SACS: variants seen among roughly 807,000 people sequenced by gnomAD.
SACS encodes sacsin molecular chaperone, also known as sacsin.
SACS carries 197 observed loss-of-function variants against 348.0 expected under a neutral mutation model. The ratio of observed to expected loss-of-function variants is 0.57; its 90% CI spans 0.50 to 0.64. SACS has a LOEUF of 0.64. Ranked by LOEUF, SACS falls within the 30% of genes least tolerant of loss-of-function variation. The probability of loss-of-function intolerance (pLI) is 0.00; values close to 1 mark genes in which losing one functional copy is unlikely to be tolerated. For missense variants in SACS, 4,999 were observed against 5,360.8 expected, an observed-to-expected ratio of 0.93 and a Z score of 2.11; for synonymous variants, 1,985 against 1,910.6, an observed-to-expected ratio of 1.04 and a Z score of -1.02.
intron 6 of SACS, among the ~76,000 whole-genome samples, chr13:23,361,769 C>A (rs1255605879): frequency 6.6e-6 from 1 of 150,974 alleles, no homozygotes; most frequent in Non-Finnish European, 1.5e-5. Flanking sequence ...AAGAACAAAA[C>A]TCCGTTTCGA....
chr13:23,425,302 T>C (rs17078731), intron 1 of SACS, among the ~76,000 whole-genome samples: 11,755 of 151,682 alleles, frequency 0.077, 747 homozygotes, highest in African/African-American at 0.15. Flanking sequence ...GGGACCTGAA[T>C]GTACCTGGGA....
Position 23,355,664 on chromosome 13 carries a change from A to G in SACS, c.948T>C (p.Val316=). 1.9e-6 allele frequency: 3 copies of G among 1,614,188 alleles called. No individual in the cohort carries two copies. Among genetic ancestry groups the G allele is most frequent in the African/African-American group, 1.3e-5 (1 of 75,032 alleles). The change falls in exon 8 of 10, where the codon GTT becomes GTC. Residue 316 remains valine (V), a synonymous_variant. Transcript: ENST00000382292. The part of the protein sequence containing the change: ...VLLFLKSVQD[V]SLYVREADGT... ...CGTCAGCCTCTCGGACATATAAGGA[A>G]ACATCCTGCACACTTTTCAGAAAGA...
In SACS at chr13:23,332,375, G is replaced by A. The variant is rs979855618; in HGVS notation, c.11501C>T (p.Thr3834Ile). 6.2e-7 allele frequency: 1 copy of A among 1,613,988 alleles called. No homozygotes were observed. The highest frequency in any genetic ancestry group is 8.5e-7 in the Non-Finnish European group (1 of 1,179,898). ...TAAGTGTTTGAACAACTGGTGAAAT[G>A]TGCCAAGTTCTAAAGGTAGCTTGTA... is the stretch of plus-strand genomic sequence containing the variant. The part of the protein sequence containing the change: ...YLYKLPLELG[T>I]FHQLFKHLGT... The change falls in exon 10 of 10, where the codon ACA becomes ATA. Residue 3834 changes from threonine to isoleucine, a missense_variant. Physicochemically the swap from Thr to Ile is moderately conservative, Grantham distance 89. Around this residue, in one of 6 missense-constraint regions of SACS, gnomAD observed 831 missense variants for 941.8 expected, o/e 0.88. Coordinates refer to ENST00000382292, the MANE Select transcript of SACS (RefSeq NM_014363.6).
intron 3 of SACS, among the ~76,000 whole-genome samples, chr13:23,372,912 C>T (rs538102127): frequency 2.6e-5 from 4 of 152,278 alleles, no homozygotes; most frequent in Admixed American, 1.3e-4. Context: ...TTCACCTTTA[C>T]AGCTACAGTC....
At position 23,333,737 on chromosome 13, in the gene SACS, A is replaced by T; in HGVS notation, c.10139T>A (p.Val3380Glu). The change falls in exon 10 of 10, where the codon GTA (valine) becomes GAA (glutamate). Residue 3380 changes from valine to glutamate, a missense_variant. By Grantham distance (121) the Val-to-Glu change is moderately radical. This residue lies in a region of SACS where 734 missense variants were observed against 694.0 expected (regional missense o/e 1.06). Transcript: ENST00000382292. ...QTSTFRAEKL[V>E]ENDFEALLMY... ...CAAAAGTGCCTCAAAATCATTTTCT[A>T]CTAATTTTTCTGCTCTAAATGTTGA... The T allele has an allele frequency of 6.2e-7, 1 of 1,613,790 alleles. No individual in the cohort carries two copies. Among genetic ancestry groups the T allele is most frequent in the South Asian group, 1.1e-5 (1 of 91,068 alleles).
At position 23,355,410 on chromosome 13, in the gene SACS, C is replaced by T. The variant is rs749599838; in HGVS notation, c.1202G>A (p.Arg401Gln). 3.2e-5 allele frequency: 51 copies of T among 1,614,000 alleles called. No individual in the cohort carries two copies. In the Admixed American group the frequency reaches 7.2e-4, roughly 23 times the overall value. ...AGAGTCAAGCTTACTACTGATCCCTCGCCCACCCACACTGTTACACACCAA... is the reference window on the plus strand; with the variant it reads ...AGAGTCAAGCTTACTACTGATCCCTTGCCCACCCACACTGTTACACACCAA... ...SWLVCNSVGG[R>Q]GISSKLDSLA... The change falls in exon 8 of 10, where the codon CGA becomes CAA. Residue 401 changes from arginine (R) to glutamine (Q), a missense_variant. Transcript: ENST00000382292.
At position 23,338,326 on chromosome 13, in the gene SACS, T is replaced by A. The variant is rs1008940731; in HGVS notation, c.5550A>T (p.Gly1850=). The A allele has an allele frequency of 2.5e-6, 4 of 1,614,042 alleles. No homozygotes were observed. The Admixed American group carries it at 5.0e-5, about 20-fold the overall frequency. ...RLGLVPCGAV[G]VQLSEIQDQK... ...GGTCCTGGATTTCTGACAGCTGAAC[T>A]CCTACTGCCCCACATGGAACCAGTC... The change falls in exon 10 of 10, where the codon GGA becomes GGT. Residue 1850 remains glycine (G), a synonymous_variant. Transcript: ENST00000382292.
At position 23,329,992 on chromosome 13, in the gene SACS, T is replaced by A. The variant is rs1192191097; in HGVS notation, c.*144A>T. On this transcript the variant is annotated 3_prime_UTR_variant, in exon 10 of 10. Coordinates refer to ENST00000382292, the MANE Select transcript of SACS (RefSeq NM_014363.6). ...TAAGGTTTTCCGTTGGTATTCATGT[T>A]CATAACAACTCCAGAATTCTCCAAG... The A allele has an allele frequency of 2.6e-6, 2 of 765,610 alleles. No individual in the cohort carries two copies. Among genetic ancestry groups the A allele is most frequent in the Admixed American group, 4.7e-5 (2 of 42,250 alleles). 47.4% of individuals were successfully genotyped at this position (765,610 alleles called of 1,614,324 possible).
chr13:23,382,484 T>A (rs902708238), intron 2 of SACS, among the ~76,000 whole-genome samples: 1 of 152,202 alleles, frequency 6.6e-6, no homozygotes, highest in African/African-American at 2.4e-5. Flanking sequence ...TAGAGATGCA[T>A]TGGATATATT....
Position 23,334,851 on chromosome 13 carries a change from C to G in SACS, c.9025G>C (p.Ala3009Pro). ...PNIDGSDLHS[A>P]VIITWINMST... is the part of the protein sequence containing the mutation. Reference sequence around the variant, plus strand: ...ATATTGATCCAAGTAATTATAACTGCAGAGTGCAAGTCAGAGCCATCAATA... The same window carrying G: ...ATATTGATCCAAGTAATTATAACTGGAGAGTGCAAGTCAGAGCCATCAATA... Residue 3009 changes from alanine (A) to proline (P), a missense_variant, in exon 10 of 10, where the codon GCA becomes CCA. By Grantham distance (27) the Ala-to-Pro change is conservative. Coordinates refer to ENST00000382292, the MANE Select transcript of SACS (RefSeq NM_014363.6). 6.2e-7 allele frequency: 1 copy of G among 1,613,824 alleles called. No individual in the cohort carries two copies. Among genetic ancestry groups the G allele is most frequent in the South Asian group, 1.1e-5 (1 of 91,074 alleles).
intron 3 of SACS, 79 bp downstream of exon 3, chr13:23,375,040 G>C (rs994944501): frequency 1.3e-4 from 164 of 1,307,554 alleles, no homozygotes; most frequent in Non-Finnish European, 1.5e-4. Context: ...GGAAACCTGC[G>C]TCGCCCACCC....
chr13:23,394,748 G>A (rs1025702783), intron 2 of SACS, among the ~76,000 whole-genome samples: 2 of 152,110 alleles, frequency 1.3e-5, no homozygotes, highest in Admixed American at 6.5e-5. Flanking sequence ...CCAGCTACTC[G>A]GGAGGCTGAG....
In SACS at chr13:23,406,150, A is replaced by G. The variant is rs527906296; in HGVS notation, c.20+5070T>C. On this transcript the variant is annotated intron_variant, in intron 2 of 9. Coordinates refer to ENST00000382292, the MANE Select transcript of SACS (RefSeq NM_014363.6). ...CAATCCAAATGCCCATCATTGATAG[A>G]CTGGATAAAGGAAATATGGCACATA... is the stretch of plus-strand genomic sequence containing the variant. Among the ~76,000 whole-genome samples, 5 of 152,356 alleles carry G rather than the reference A, an allele frequency of 3.3e-5. No individual in the cohort carries two copies. The South Asian group carries it at 1.0e-3, about 32-fold the overall frequency.
At chr13:23,373,136 T>C (rs949134169) in intron 3 of SACS, among the ~76,000 whole-genome samples, 1 of 151,966 alleles carries the variant, frequency 6.6e-6, no homozygotes, top group African/African-American at 2.4e-5. Context: ...GATGATCAAG[T>C]AGAACCAGAG....
chr13:23,349,750 C>CA (rs1869834835), intron 9 of SACS, among the ~76,000 whole-genome samples: 2 of 152,160 alleles, frequency 1.3e-5, no homozygotes, highest in African/African-American at 4.8e-5. Flanking sequence ...AAGGATAGTA[C>CA]TGTATTACCA....
chr13:23,418,780 G>C (rs1007958494), intron 1 of SACS, among the ~76,000 whole-genome samples: 1 of 152,178 alleles, frequency 6.6e-6, no homozygotes, highest in Admixed American at 6.6e-5. Flanking sequence ...GCTGAGGTTA[G>C]AGACCTGAGC....
At position 23,341,415 on chromosome 13, in the gene SACS, T is replaced by A; in HGVS notation, c.2461A>T (p.Arg821Trp). Residue 821 changes from arginine to tryptophan, a missense_variant, in exon 10 of 10, where the codon AGG becomes TGG. Transcript: ENST00000382292. ...GQTCVELIRLRIPSLVILDDE... is the reference protein window; with the variant it reads ...GQTCVELIRLWIPSLVILDDE... ...TCTAAAATGACTAACGATGGAATCCTGAGTCTAATGAGTTCCACACATGTC... is the reference window on the plus strand; with the variant it reads ...TCTAAAATGACTAACGATGGAATCCAGAGTCTAATGAGTTCCACACATGTC... 6.2e-7 allele frequency: 1 copy of A among 1,613,156 alleles called. No homozygotes were observed. Among genetic ancestry groups the A allele is most frequent in the Non-Finnish European group, 8.5e-7 (1 of 1,179,430 alleles).
intron 2 of SACS, among the ~76,000 whole-genome samples, chr13:23,395,289 G>T (rs1872670551): frequency 6.6e-6 from 1 of 152,144 alleles, no homozygotes; most frequent in African/African-American, 2.4e-5. Context: ...TCAAGCCCTT[G>T]ATGGCTGTAT....
At position 23,385,467 on chromosome 13, in the gene SACS, C is replaced by A. The variant is rs150770755; in HGVS notation, c.21-10198G>T. On this transcript the variant is annotated intron_variant, in intron 2 of 9. Transcript: ENST00000382292. ...TTCCGCTTCCTGGGTTCAAGCGATT[C>A]TCCTGCCTCAGCCTCCCAAGTAGCT... 4.9e-3 allele frequency among the ~76,000 whole-genome samples: 740 copies of A among 151,540 alleles called. 7 individuals carry two copies. The highest frequency in any genetic ancestry group is 0.017 in the African/African-American group (713 of 41,318).
Sources: allele counts gnomAD v4.1 joint callset (sites outside exome capture counted in the v4.1 genomes callset), GRCh38; gene constraint gnomAD v4.1.1; regional missense constraint gnomAD v4.1.1; transcripts MANE v1.5; gene names NCBI Gene and HGNC (gene_info 2026-07-23, HGNC 2026-07-21).